The following GPC6 variants were observed in gnomAD, a reference collection of about 807,000 sequenced individuals.
The protein encoded by GPC6 is glypican-6.
In GPC6, 14 loss-of-function variants were observed where a neutral mutation model predicts 55.2. The observed-to-expected ratio is 0.25, with a 90% CI of 0.17 to 0.40. The LOEUF is 0.40. GPC6 is among the 10% of genes least tolerant of loss of function. The pLI is 1.00. For missense variants in GPC6, 641 were observed against 708.5 expected, an observed-to-expected ratio of 0.90 and a Z score of 1.08; for synonymous variants, 278 against 259.6, an observed-to-expected ratio of 1.07 and a Z score of -0.68.
At chr13:94,198,873 G>A (rs554004557) in intron 4 of GPC6, among the ~76,000 whole-genome samples, 18 of 152,296 alleles carry the variant, frequency 1.2e-4, no homozygotes, top group African/African-American at 4.3e-4. Context: ...TGTATTTCAT[G>A]AGTGAATTCA....
At chr13:93,848,907 C>T (rs1220904769) in intron 3 of GPC6, among the ~76,000 whole-genome samples, 1 of 152,134 alleles carries the variant, frequency 6.6e-6, no homozygotes, top group Non-Finnish European at 1.5e-5. Context: ...TCAAAACTTG[C>T]TAAAATCCAC....
intron 4 of GPC6, among the ~76,000 whole-genome samples, chr13:94,095,909 A>G (rs1483327975): frequency 6.6e-6 from 1 of 152,210 alleles, no homozygotes. Context: ...TTTTACTCTC[A>G]GGCCTGTGTG....
chr13:94,301,829 C>A (rs1007763093), intron 5 of GPC6, among the ~76,000 whole-genome samples: 4 of 152,314 alleles, frequency 2.6e-5, no homozygotes, highest in Middle Eastern at 3.4e-3. Context: ...CAGCCATAAC[C>A]AACTGATCTA....
rs190822062 is a variant in GPC6 at position 94,201,100 on chromosome 13, G to C, written c.878-85249G>C. On this transcript the variant is annotated intron_variant, in intron 4 of 8. Coordinates refer to ENST00000377047, the MANE Select transcript of GPC6 (RefSeq NM_005708.5). ...GGAGGCTGCATGAAGTTAGCACACT[G>C]AAACGTGCCCCTCCTGGTTCACTTC... 2.0e-5 allele frequency among the ~76,000 whole-genome samples: 3 copies of C among 152,342 alleles called. 1 individual carries two copies. The highest frequency in any genetic ancestry group is 6.8e-3 in the Middle Eastern group (2 of 294).
At position 94,382,501 on chromosome 13, in the gene GPC6, G is replaced by A. The variant is rs780374932; in HGVS notation, c.1240G>A (p.Ala414Thr). 40 of 1,614,084 alleles carry A rather than the reference G, an allele frequency of 2.5e-5. No individual in the cohort carries two copies. The highest frequency in any genetic ancestry group is 3.4e-5 in the Non-Finnish European group (40 of 1,180,038). The part of the protein sequence containing the change: ...YTICKDESVT[A>T]GTSNEEECWN... ...TATCTGCAAGGACGAGAGCGTGACA[G>A]CGGGCACGTCCAACGAGGAGGAATG... is the stretch of plus-strand genomic sequence containing the variant. The change falls in exon 7 of 9, where the codon GCG becomes ACG. Residue 414 changes from alanine to threonine, a missense_variant. Physicochemically the swap from Ala to Thr is moderately conservative, Grantham distance 58. Transcript: ENST00000377047.
chr13:93,888,452 T>C (rs1875471562), intron 3 of GPC6, among the ~76,000 whole-genome samples: 1 of 152,142 alleles, frequency 6.6e-6, no homozygotes, highest in Non-Finnish European at 1.5e-5. Context: ...GGGAAAAAGG[T>C]CACTTGTGTC....
chr13:93,925,026 C>T (rs1877779965), intron 3 of GPC6, among the ~76,000 whole-genome samples: 1 of 152,068 alleles, frequency 6.6e-6, no homozygotes, highest in Admixed American at 6.6e-5. Context: ...ATGTAAAAGC[C>T]AACATATTTA....
At position 94,055,973 on chromosome 13, in the gene GPC6, T is replaced by C. The variant is rs145119724; in HGVS notation, c.877+28079T>C. Reference sequence around the variant, plus strand: ...AGCTGTCCTGACTTCTGTCTGATCATAGCACCACCACCTAACAGGACTCTG... The same window carrying C: ...AGCTGTCCTGACTTCTGTCTGATCACAGCACCACCACCTAACAGGACTCTG... On this transcript the variant is annotated intron_variant, in intron 4 of 8. Transcript: ENST00000377047. 4.5e-3 allele frequency among the ~76,000 whole-genome samples: 692 copies of C among 152,222 alleles called. 19 individuals are homozygous for C. In the South Asian group the frequency reaches 0.088, roughly 19 times the overall value.
intron 2 of GPC6, among the ~76,000 whole-genome samples, chr13:93,818,200 C>A (rs1162536165): frequency 6.6e-6 from 1 of 150,798 alleles, no homozygotes; most frequent in African/African-American, 2.4e-5. Flanking sequence ...TTTTCAATTT[C>A]TTTTTTTAAA....
chr13:93,655,061 A>G (rs1218269171), intron 2 of GPC6, among the ~76,000 whole-genome samples: 1 of 34,076 alleles, frequency 2.9e-5, no homozygotes, highest in African/African-American at 6.0e-5. Context: ...TGTGTTAGCC[A>G]GGATGTCTCG....
At chr13:93,987,711 C>A (rs1001654573) in intron 3 of GPC6, among the ~76,000 whole-genome samples, 3 of 152,080 alleles carry the variant, frequency 2.0e-5, no homozygotes, top group Non-Finnish European at 4.4e-5. Flanking sequence ...GACACTGTGA[C>A]CCCCCTTCTT....
intron 1 of GPC6, among the ~76,000 whole-genome samples, chr13:93,494,590 C>T (rs899350437): frequency 7.2e-5 from 11 of 152,112 alleles, no homozygotes; most frequent in Middle Eastern, 3.2e-3. Flanking sequence ...TGATTTTACT[C>T]GTTAGTTGAT....
intron 1 of GPC6, among the ~76,000 whole-genome samples, chr13:93,531,385 C>T (rs1458047301): frequency 6.6e-6 from 1 of 152,076 alleles, no homozygotes; most frequent in African/African-American, 2.4e-5. Flanking sequence ...GCAGGGCAGA[C>T]TGGCAGACTC....
chr13:93,942,734 G>T (rs1291949392), intron 3 of GPC6, among the ~76,000 whole-genome samples: 2 of 152,176 alleles, frequency 1.3e-5, no homozygotes, highest in Non-Finnish European at 2.9e-5. Flanking sequence ...ACAGGGAGGG[G>T]TACGAGTGCC....
At chr13:94,078,095 A>G (rs1204939540) in intron 4 of GPC6, among the ~76,000 whole-genome samples, 1 of 151,958 alleles carries the variant, frequency 6.6e-6, no homozygotes, top group African/African-American at 2.4e-5. Context: ...TAAAAGTAGA[A>G]ATCAGTGACA....
intron 2 of GPC6, among the ~76,000 whole-genome samples, chr13:93,629,782 A>G (rs1933785): frequency 0.017 from 2,566 of 152,336 alleles, 63 homozygotes; most frequent in African/African-American, 0.057. Flanking sequence ...AAATAAAACA[A>G]TAAACCACAA....
chr13:93,882,576 T>G (rs943445235), intron 3 of GPC6, among the ~76,000 whole-genome samples: 1 of 152,154 alleles, frequency 6.6e-6, no homozygotes. Flanking sequence ...GATTTTTTTT[T>G]AATTTGTATA....
intron 6 of GPC6, among the ~76,000 whole-genome samples, chr13:94,314,098 A>T (rs918596900): frequency 6.6e-6 from 1 of 152,200 alleles, no homozygotes; most frequent in Non-Finnish European, 1.5e-5. Context: ...GGCGTCATCA[A>T]AAGGCAAGTG....
chr13:93,732,920 C>T (rs116000977), intron 2 of GPC6, among the ~76,000 whole-genome samples: 1,537 of 151,738 alleles, frequency 0.01, 36 homozygotes, highest in African/African-American at 0.035. Flanking sequence ...AAATATTTTA[C>T]GTTGTTTTTT....
Sources: gnomAD v4.1 joint callset for allele counts (sites outside exome capture counted in the v4.1 genomes callset) on GRCh38, gnomAD v4.1.1 for gene constraint, MANE v1.5 for transcripts, NCBI Gene and HGNC (gene_info 2026-07-23, HGNC 2026-07-21) for gene names.